Variants in TMEM114 observed in about 807,000 individuals in gnomAD.
TMEM114 encodes claudin-26.
TMEM114 carries 6 observed loss-of-function variants against 6.2 expected under a neutral mutation model. That is an observed-to-expected ratio of 0.97 (90% CI 0.53 to 1.91). TMEM114 has a LOEUF of 1.91. Ranked by LOEUF, TMEM114 falls within the 40% of genes most tolerant of loss-of-function variation. The pLI, the probability that TMEM114 is intolerant of heterozygous loss-of-function variation, is 0.01. For synonymous variants in TMEM114, 104 were observed against 73.0 expected, an observed-to-expected ratio of 1.42 and a Z score of -2.16; for missense variants, 218 against 158.3, an observed-to-expected ratio of 1.38 and a Z score of -2.02.
At chr16:8,578,440 C>T (rs993860483) in intron 2 of TMEM114, among the ~76,000 whole-genome samples, 1 of 152,172 alleles carries the variant, frequency 6.6e-6, no homozygotes, top group Non-Finnish European at 1.5e-5. Context: ...CTCCCCTTCT[C>T]ATAAGGACAT....
intron 2 of TMEM114, among the ~76,000 whole-genome samples, chr16:8,557,550 G>C (rs769682559): frequency 1.3e-5 from 2 of 152,144 alleles, no homozygotes; most frequent in African/African-American, 2.4e-5. Flanking sequence ...AATATACAAG[G>C]GTCACTAGTT....
At chr16:8,576,271 T>C (rs1901925721) in intron 2 of TMEM114, among the ~76,000 whole-genome samples, 1 of 152,214 alleles carries the variant, frequency 6.6e-6, no homozygotes, top group African/African-American at 2.4e-5. Context: ...TTGTCTCCAC[T>C]TCCTGATATT....
At chr16:8,562,500 GTAAA>G (rs1901280255) in intron 2 of TMEM114, among the ~76,000 whole-genome samples, 1 of 138,332 alleles carries the variant, frequency 7.2e-6, no homozygotes. Flanking sequence ...ATGTGAATGA[GTAAA>G]TGAGTGACTG....
chr16:8,553,308 T>C (rs1176931878), intron 2 of TMEM114, among the ~76,000 whole-genome samples: 1 of 152,192 alleles, frequency 6.6e-6, no homozygotes, highest in African/African-American at 2.4e-5. Context: ...CCACGGGTGG[T>C]CCCTGTGGGT....
intron 3 of TMEM114, 135 bp from the exon 4 acceptor site, chr16:8,570,140 G>A: frequency 2.4e-6 from 3 of 1,226,924 alleles, no homozygotes; most frequent in Non-Finnish European, 3.4e-6. Context: ...ACCTTTGCGC[G>A]TGCTAGTCTC....
At chr16:8,551,163 G>C (rs1900832110) in intron 2 of TMEM114, among the ~76,000 whole-genome samples, 1 of 152,076 alleles carries the variant, frequency 6.6e-6, no homozygotes, top group Non-Finnish European at 1.5e-5. Flanking sequence ...CTAGAATTCT[G>C]GTTTTTACCA....
chr16:8,560,311 T>A (rs574618938), intron 2 of TMEM114, among the ~76,000 whole-genome samples: 26 of 152,076 alleles, frequency 1.7e-4, no homozygotes, highest in African/African-American at 6.0e-4. Flanking sequence ...CCAGTGATCT[T>A]GGATGCATCC....
rs148221166 is a variant in TMEM114 at position 8,583,076 on chromosome 16, G to A, written c.301+6137C>T. 4.7e-3 allele frequency among the ~76,000 whole-genome samples: 709 copies of A among 152,274 alleles called. 9 individuals are homozygous for A. Among genetic ancestry groups the A allele is most frequent in the African/African-American group, 0.016 (680 of 41,536 alleles). On this transcript the variant is annotated intron_variant, in intron 2 of 3. Coordinates refer to ENST00000620492, the MANE Select transcript of TMEM114 (RefSeq NM_001146336.2). ...TCTCTATGTCTCCATTGCCTCATCT[G>A]CAAAGTGAGGATGATAATAATAGTG... is the stretch of plus-strand genomic sequence containing the variant.
At chr16:8,588,362 A>G (rs1263642555) in intron 2 of TMEM114, among the ~76,000 whole-genome samples, 4 of 152,048 alleles carry the variant, frequency 2.6e-5, no homozygotes, top group African/African-American at 7.2e-5. Flanking sequence ...AGATCCTCCT[A>G]CAGAACCTCT....
At chr16:8,531,635 T>A in the TMEM114 span, among the ~76,000 whole-genome samples, 3 of 152,318 alleles carry the variant, frequency 2.0e-5, no homozygotes, top group African/African-American at 4.8e-5. Flanking sequence ...CTGAAAGAGA[T>A]GTGTGATTTT....
intron 2 of TMEM114, among the ~76,000 whole-genome samples, chr16:8,554,430 G>T (rs1217533441): frequency 6.6e-6 from 1 of 151,864 alleles, no homozygotes; most frequent in Non-Finnish European, 1.5e-5. Context: ...TAAAAATGAG[G>T]CACCATTGCT....
At chr16:8,552,587 T>C (rs893922178) in intron 2 of TMEM114, among the ~76,000 whole-genome samples, 3 of 151,980 alleles carry the variant, frequency 2.0e-5, no homozygotes, top group Non-Finnish European at 4.4e-5. Context: ...CTAGCTTTGA[T>C]ATTGCACTGC....
chr16:8,556,472 T>C (rs986898772), intron 2 of TMEM114, among the ~76,000 whole-genome samples: 1 of 152,178 alleles, frequency 6.6e-6, no homozygotes, highest in Admixed American at 6.5e-5. Flanking sequence ...TGAATGCCAC[T>C]GAGTTGTGTG....
chr16:8,585,631 A>G (rs1436596862), intron 2 of TMEM114, among the ~76,000 whole-genome samples: 1 of 114,900 alleles, frequency 8.7e-6, no homozygotes, highest in African/African-American at 2.9e-5. Context: ...TTATGCGGAG[A>G]AAAAAAAAAA....
At chr16:8,574,904 G>T (rs1229272623) in intron 2 of TMEM114, among the ~76,000 whole-genome samples, 1 of 152,104 alleles carries the variant, frequency 6.6e-6, no homozygotes, top group Non-Finnish European at 1.5e-5. Flanking sequence ...AGCTTTCTTT[G>T]TGTGTGTGCC....
At chr16:8,580,838 A>G (rs918986581) in intron 2 of TMEM114, among the ~76,000 whole-genome samples, 2 of 152,082 alleles carry the variant, frequency 1.3e-5, no homozygotes, top group Admixed American at 1.3e-4. Flanking sequence ...CCACAGGCGC[A>G]TGCCACCACG....
intron 2 of TMEM114, among the ~76,000 whole-genome samples, chr16:8,583,054 C>T (rs563661970): frequency 1.3e-5 from 2 of 152,318 alleles, no homozygotes; most frequent in East Asian, 1.9e-4. Flanking sequence ...CCTGACTTCT[C>T]TATGTCTCCA....
At position 8,558,634 on chromosome 16, in the gene TMEM114, C is replaced by A. The variant is rs1300486376; in HGVS notation, n.213-20808G>T. Among the ~76,000 whole-genome samples the A allele has an allele frequency of 2.0e-5, 3 of 152,196 alleles. No individual in the cohort carries two copies. In the South Asian group the frequency reaches 6.2e-4, roughly 32 times the overall value. On this transcript the variant is annotated intron_variant and non_coding_transcript_variant, in intron 2 of 2. Transcript: ENST00000623677. ...GGCACATGCTTGAACCTCCAACAGT[C>A]CCCTATTTAGGCAAGCAACTACAAC...
intron 2 of TMEM114, among the ~76,000 whole-genome samples, chr16:8,576,501 TCTCCCA>T (rs1426089339): frequency 3.3e-5 from 5 of 152,104 alleles, no homozygotes; most frequent in African/African-American, 1.2e-4. Context: ...GGCCAGGGGC[TCTCCCA>T]GGCACTGGCA....
Sources: allele counts gnomAD v4.1 joint callset (sites outside exome capture counted in the v4.1 genomes callset), GRCh38; gene constraint gnomAD v4.1.1; transcripts MANE v1.5; gene names NCBI Gene and HGNC (gene_info 2026-07-23, HGNC 2026-07-21).